Variants in P4HB observed in about 807,000 individuals in gnomAD.
P4HB encodes the protein protein disulfide-isomerase.
Under a neutral mutation model 52.6 loss-of-function variants are expected in P4HB, and 20 were observed. The ratio of observed to expected loss-of-function variants is 0.38; its 90% confidence interval spans 0.27 to 0.55. The LOEUF is 0.55. P4HB is among the 20% of genes least tolerant of loss of function. The pLI, the probability that P4HB is intolerant of heterozygous loss-of-function variation, is 0.74. For missense variants in P4HB, 601 were observed against 669.2 expected, an observed-to-expected ratio of 0.90 and a Z score of 1.12; for synonymous variants, 296 against 277.9, an observed-to-expected ratio of 1.07 and a Z score of -0.65.
Position 81,843,997 on chromosome 17 carries a change from G to A in P4HB, c.*15C>T, listed in dbSNP as rs1380154793. Reference sequence around the variant, plus strand: ...CCCGAGGGGTCTCGGCAGCGCCCGGGTCTGGCTTTGCGTATTACAGTTCAT... The same window carrying A: ...CCCGAGGGGTCTCGGCAGCGCCCGGATCTGGCTTTGCGTATTACAGTTCAT... On this transcript the variant is annotated 3_prime_UTR_variant, in exon 11 of 11. Transcript: ENST00000331483. 1 of 1,601,688 alleles carries A rather than the reference G, an allele frequency of 6.2e-7. No individual in the cohort carries two copies. Among genetic ancestry groups the A allele is most frequent in the Admixed American group, 1.7e-5 (1 of 60,010 alleles).
At position 81,855,604 on chromosome 17, in the gene P4HB, T is replaced by C. The variant is rs2143354795; in HGVS notation, c.353-18A>G. ...TCTGCCAGCTAACCCCAAACAAATGTAGGTTCTACTCTCAAACAGGGAGTG... is the reference window on the plus strand; with the variant it reads ...TCTGCCAGCTAACCCCAAACAAATGCAGGTTCTACTCTCAAACAGGGAGTG... On this transcript the variant is annotated intron_variant, in intron 2 of 10. Transcript: ENST00000331483. This position sits in a 1 kb window ranked among gnomAD's most constrained non-coding sequence, Gnocchi z 4.3. 1 of 1,609,464 alleles carries C rather than the reference T, an allele frequency of 6.2e-7. No homozygotes were observed. Among genetic ancestry groups the C allele is most frequent in the East Asian group, 2.2e-5 (1 of 44,822 alleles).
intron 1 of P4HB, chr17:81,859,654 T>A: frequency 2.0e-6 from 1 of 504,166 alleles, no homozygotes; most frequent in South Asian, 2.3e-5. Flanking sequence ...AGACAAACCT[T>A]TCAATGGTTG....
chr17:81,849,873 G>C (rs1172481368), intron 4 of P4HB, among the ~76,000 whole-genome samples: 1 of 151,966 alleles, frequency 6.6e-6, no homozygotes, highest in Non-Finnish European at 1.5e-5. Context: ...TGTCACCCAG[G>C]CTGGAGTGCA....
rs1272817209 is a variant in P4HB at position 81,859,229 on chromosome 17, T to C, written c.304A>G (p.Ile102Val). ...GTGTCTCCATTCCTGAAGAACTTGA[T>C]GGTGGGATAGCCGCGCACGCCGTAC... Reference protein sequence around the residue: ...QQYGVRGYPTIKFFRNGDTAS... With the variant: ...QQYGVRGYPTVKFFRNGDTAS... Residue 102 changes from isoleucine to valine, a missense_variant, in exon 2 of 11, where the codon ATC becomes GTC. Physicochemically the swap from Ile to Val is conservative, Grantham distance 29. Coordinates refer to ENST00000331483, the MANE Select transcript of P4HB (RefSeq NM_000918.4). 2.5e-6 allele frequency: 4 copies of C among 1,613,878 alleles called. No homozygotes were observed. Among genetic ancestry groups the C allele is most frequent in the African/African-American group, 1.3e-5 (1 of 74,912 alleles).
chr17:81,843,620 T>C lies in P4HB; in HGVS notation c.*392A>G, dbSNP rs2038686540. 2.2e-6 allele frequency: 1 copy of C among 461,906 alleles called. No individual in the cohort carries two copies. Among genetic ancestry groups the C allele is most frequent in the Non-Finnish European group, 3.8e-6 (1 of 263,216 alleles). The allele number at this position is 461,906 out of a possible 1,614,324, so 28.6% of individuals were successfully genotyped here. On this transcript the variant is annotated 3_prime_UTR_variant, in exon 11 of 11. Coordinates refer to ENST00000331483, the MANE Select transcript of P4HB (RefSeq NM_000918.4). Reference sequence around the variant, plus strand: ...GGAGGCCTGGCCAAGGTGGAACAAATACCCTGATGTCGAAAAATGTCTAAA... The same window carrying C: ...GGAGGCCTGGCCAAGGTGGAACAAACACCCTGATGTCGAAAAATGTCTAAA...
chr17:81,849,747 C>T (rs2038798304), intron 4 of P4HB, among the ~76,000 whole-genome samples: 1 of 152,200 alleles, frequency 6.6e-6, no homozygotes, highest in Non-Finnish European at 1.5e-5. Flanking sequence ...CGCCCCTGTG[C>T]TGAGGCTCTT....
intron 2 of P4HB, 52 bp downstream of exon 2, chr17:81,859,129 G>T: frequency 1.9e-6 from 3 of 1,551,846 alleles, no homozygotes; most frequent in Non-Finnish European, 2.7e-6. Flanking sequence ...CTTCCAAGTC[G>T]GCAGGCCAGT....
At chr17:81,854,113 G>A (rs976749217) in intron 4 of P4HB, among the ~76,000 whole-genome samples, 3 of 152,236 alleles carry the variant, frequency 2.0e-5, no homozygotes, top group East Asian at 1.9e-4. Flanking sequence ...GGGGCTGAGG[G>A]GCATACGAAG....
rs980530243 is a variant in P4HB at position 81,843,994 on chromosome 17, C to G, written c.*18G>C. ...GCCCCCGAGGGGTCTCGGCAGCGCC[C>G]GGGTCTGGCTTTGCGTATTACAGTT... On this transcript the variant is annotated 3_prime_UTR_variant, in exon 11 of 11. Coordinates refer to ENST00000331483, the MANE Select transcript of P4HB (RefSeq NM_000918.4). 8.1e-6 allele frequency: 13 copies of G among 1,597,778 alleles called. No individual in the cohort carries two copies. The highest frequency in any genetic ancestry group is 1.3e-5 in the African/African-American group (1 of 74,598).
chr17:81,859,552 TTCTTGGGCAATA>T, intron 1 of P4HB, 165 bp from the exon 2 acceptor site: 1 of 634,656 alleles, frequency 1.6e-6, no homozygotes, highest in Non-Finnish European at 2.7e-6. Context: ...TAGCCTGGTG[TTCTTGGGCAATA>T]TCAGGACAGA....
At position 81,859,308 on chromosome 17, in the gene P4HB, G is replaced by T. The variant is rs376963340; in HGVS notation, c.225C>A (p.Ser75=). 2.5e-5 allele frequency: 41 copies of T among 1,613,858 alleles called. No homozygotes were observed. The highest frequency in any genetic ancestry group is 3.4e-5 in the Non-Finnish European group (40 of 1,180,034). ...KAAGKLKAEG[S]EIRLAKVDAT... is the part of the protein sequence containing the mutation. ...CGTCCACCTTGGCCAACCTGATCTC[G>T]GAACCTTCTGCCTTCAGCTTCCCAG... Residue 75 remains serine (S), a synonymous_variant, in exon 2 of 11, where the codon TCC becomes TCA. Transcript: ENST00000331483.
At position 81,860,409 on chromosome 17, in the gene P4HB, C is replaced by T. The variant is rs779575538; in HGVS notation, c.63G>A (p.Glu21=). ...GCAGCACCAGGACGTGGTCCTCCTCCTCGGGGGCGTCGGCGCGCACCAGGG... is the reference window on the plus strand; with the variant it reads ...GCAGCACCAGGACGTGGTCCTCCTCTTCGGGGGCGTCGGCGCGCACCAGGG... The part of the protein sequence containing the change: ...VAALVRADAP[E]EEDHVLVLRK... The change falls in exon 1 of 11, where the codon GAG becomes GAA. Residue 21 remains glutamate (E), a synonymous_variant. Transcript: ENST00000331483. 33 of 1,440,588 alleles carry T rather than the reference C, an allele frequency of 2.3e-5. No homozygotes were observed. The South Asian group carries it at 3.9e-4, about 17-fold the overall frequency. 89.2% of individuals were successfully genotyped at this position (1,440,588 alleles called of 1,614,324 possible).
At chr17:81,860,188 C>T in intron 1 of P4HB, 139 bp downstream of exon 1, 1 of 703,766 alleles carries the variant, frequency 1.4e-6, no homozygotes, top group Non-Finnish European at 2.0e-6. Context: ...ACATGGCCCC[C>T]AAGGCGGGCA....
Position 81,845,609 on chromosome 17 carries a change from C to T in P4HB, c.1311G>A (p.Val437=), listed in dbSNP as rs779193803. Residue 437 remains valine, a synonymous_variant, in exon 9 of 11, where the codon GTG becomes GTA. Transcript: ENST00000331483. ...STANEVEAVK[V]HSFPTLKFFP... is the part of the protein sequence containing the mutation. ...AGAACTTGAGTGTGGGGAAGCTGTG[C>T]ACTTTGACGGCCTCCACCTCGTTGG... is the stretch of plus-strand genomic sequence containing the variant. 9.9e-6 allele frequency: 16 copies of T among 1,612,428 alleles called. No individual in the cohort carries two copies. Among genetic ancestry groups the T allele is most frequent in the Middle Eastern group, 1.6e-4 (1 of 6,070 alleles).
Position 81,846,087 on chromosome 17 carries a change from G to T in P4HB, c.1057-96C>A. On this transcript the variant is annotated intron_variant, in intron 7 of 10. Transcript: ENST00000331483. This position sits in a 1 kb window ranked among gnomAD's most constrained non-coding sequence, Gnocchi z 5.7. ...CTGCCCGGGACTGAGGTGCGTGGCT[G>T]CCCTGGGCACACCAGGGTGGCAGCC... 7.1e-7 allele frequency: 1 copy of T among 1,406,860 alleles called. No homozygotes were observed. Among genetic ancestry groups the T allele is most frequent in the Non-Finnish European group, 9.4e-7 (1 of 1,065,272 alleles). The allele number at this position is 1,406,860 out of a possible 1,614,324, so 87.1% of individuals were successfully genotyped here.
At position 81,847,112 on chromosome 17, in the gene P4HB, CTA is replaced by C. The variant is rs1289692146; in HGVS notation, c.730-42_730-41del. The C allele has an allele frequency of 5.0e-6, 8 of 1,612,792 alleles. No homozygotes were observed. The Admixed American group carries it at 5.0e-5, about 10-fold the overall frequency. On this transcript the variant is annotated intron_variant, in intron 5 of 10. Coordinates refer to ENST00000331483, the MANE Select transcript of P4HB (RefSeq NM_000918.4). ...TAAGTTACTGGGTCTGAGTCACACA[CTA>C]TTAATGCAGAAGATTCTCCCAATGG...
In P4HB at chr17:81,845,553, A is replaced by G; in HGVS notation, c.1359+8T>C. 1 of 1,583,382 alleles carries G rather than the reference A, an allele frequency of 6.3e-7. No homozygotes were observed. Among genetic ancestry groups the G allele is most frequent in the East Asian group, 2.3e-5 (1 of 44,366 alleles). ...CCCGCCCCAGCCCCGTCTGGAGGGA[A>G]GGCGCACCGTCCTGTCGGCACTGGC... On this transcript the variant is annotated splice_region_variant and intron_variant, in intron 9 of 10. Coordinates refer to ENST00000331483, the MANE Select transcript of P4HB (RefSeq NM_000918.4).
intron 4 of P4HB, among the ~76,000 whole-genome samples, chr17:81,851,700 C>T (rs1598267696): frequency 6.6e-6 from 1 of 152,236 alleles, no homozygotes; most frequent in East Asian, 1.9e-4. Flanking sequence ...CAGGCGCCGC[C>T]TACACCATCT....
At position 81,843,501 on chromosome 17, in the gene P4HB, A is replaced by C. The variant is rs1411783056; in HGVS notation, c.*511T>G. On this transcript the variant is annotated 3_prime_UTR_variant, in exon 11 of 11. Coordinates refer to ENST00000331483, the MANE Select transcript of P4HB (RefSeq NM_000918.4). ...GTCTCCATTTACCCAAAAATGCAAG[A>C]GCCATGATCAGTCATGGCGACACTG... 2.5e-6 allele frequency: 1 copy of C among 400,274 alleles called. No homozygotes were observed. Among genetic ancestry groups the C allele is most frequent in the Non-Finnish European group, 4.4e-6 (1 of 227,306 alleles). The allele number at this position is 400,274 out of a possible 1,614,324, so 24.8% of individuals were successfully genotyped here. A position where few individuals can be genotyped will look rare whatever the true frequency, so the allele number is the denominator to read the frequency against.
Sources: allele counts gnomAD v4.1 joint callset (sites outside exome capture counted in the v4.1 genomes callset), GRCh38; gene constraint gnomAD v4.1.1; non-coding constraint Gnocchi (gnomAD v3.1); transcripts MANE v1.5; gene names NCBI Gene and HGNC (gene_info 2026-07-23, HGNC 2026-07-21).